The following ATP7A variants were observed in gnomAD, a reference collection of about 807,000 sequenced individuals.
ATP7A encodes the protein copper-transporting ATPase 1.
ATP7A carries 7 observed loss-of-function variants against 83.5 expected under a neutral mutation model. The ratio of observed to expected loss-of-function variants is 0.08; its 90% CI spans 0.05 to 0.16. ATP7A has a LOEUF of 0.16. Ranked by LOEUF, ATP7A falls within the 10% of genes least tolerant of loss-of-function variation. ATP7A has a pLI of 1.00. For synonymous variants in ATP7A, 354 were observed against 395.2 expected (o/e 0.90, Z 1.24); for missense variants, 940 against 1,120.8 (o/e 0.84, Z 2.30).
At chrX:77,956,732 T>TTTCTTTCC (rs2077443871) in intron 1 of ATP7A, among the ~76,000 whole-genome samples, 2 of 81,309 alleles carry the variant, frequency 2.5e-5, no homozygotes, top group Non-Finnish European at 4.8e-5. Context: ...GTCTCCTTTC[T>TTTCTTTCC]TTCTTTCTTT....
At chrX:77,997,569 C>T (rs1439395002) in intron 4 of ATP7A, among the ~76,000 whole-genome samples, 2 of 108,922 alleles carry the variant, frequency 1.8e-5, no homozygotes, top group Non-Finnish European at 3.8e-5. Flanking sequence ...GAAATTTGCT[C>T]TTTTCTTCCT....
chrX:78,031,954 C>T (rs2077986303), intron 16 of ATP7A, among the ~76,000 whole-genome samples: 1 of 112,038 alleles, frequency 8.9e-6, no homozygotes, highest in African/African-American at 3.2e-5. Flanking sequence ...AACCTATTAA[C>T]AGTCTTTTAA....
At chrX:78,033,845 C>T in intron 17 of ATP7A, 24 bp downstream of exon 17, 1 of 1,167,675 alleles carries the variant, frequency 8.6e-7, no homozygotes, top group Non-Finnish European at 1.2e-6. Context: ...CTTTGTAGTA[C>T]CAATTATGGG....
intron 1 of ATP7A, among the ~76,000 whole-genome samples, chrX:77,919,917 A>G (rs781972467): frequency 8.9e-6 from 1 of 112,458 alleles, no homozygotes; most frequent in East Asian, 2.8e-4. Flanking sequence ...CCCATTAAAT[A>G]ATAGCTTCTC....
intron 4 of ATP7A, among the ~76,000 whole-genome samples, chrX:77,991,707 T>C (rs1372635855): frequency 9.0e-6 from 1 of 111,049 alleles, no homozygotes; most frequent in Non-Finnish European, 1.9e-5. Flanking sequence ...ATGTAGAAAA[T>C]CTCAATTTTT....
At position 78,012,737 on chromosome X, in the gene ATP7A, T is replaced by C. The variant is rs1053764370; in HGVS notation, c.2173-142T>C. ...TACATCTATTGAAATACAAACACGA[T>C]TGTTTTGGCTTAATCTCCCTTTAGT... On this transcript the variant is annotated intron_variant, in intron 9 of 22. Coordinates refer to ENST00000341514, the MANE Select transcript of ATP7A (RefSeq NM_000052.7). The C allele has an allele frequency of 9.5e-6, 5 of 523,701 alleles. No individual in the cohort carries two copies. The African/African-American group carries it at 1.2e-4, about 12-fold the overall frequency. 43.2% of individuals were successfully genotyped at this position (523,701 alleles called of 1,213,427 possible).
intron 15 of ATP7A, among the ~76,000 whole-genome samples, chrX:78,029,696 C>G (rs782182072): frequency 1.5e-4 from 17 of 111,835 alleles, no homozygotes; most frequent in African/African-American, 5.5e-4. Context: ...AACCTGGACT[C>G]CTATCCTAGC....
intron 1 of ATP7A, among the ~76,000 whole-genome samples, chrX:77,932,208 G>A (rs1345721053): frequency 4.8e-5 from 5 of 104,912 alleles, no homozygotes; most frequent in African/African-American, 1.8e-4. Flanking sequence ...GGGCAGAGAC[G>A]CTCCTCACCT....
intron 1 of ATP7A, among the ~76,000 whole-genome samples, chrX:77,956,175 G>A (rs1718472455): frequency 9.0e-6 from 1 of 111,543 alleles, no homozygotes; most frequent in African/African-American, 3.3e-5. Flanking sequence ...GGGATTGCTG[G>A]ATCATATGGT....
At chrX:77,942,124 T>C (rs1187786015) in intron 1 of ATP7A, among the ~76,000 whole-genome samples, 1 of 112,453 alleles carries the variant, frequency 8.9e-6, no homozygotes, top group African/African-American at 3.2e-5. Flanking sequence ...ACCTCTAACG[T>C]TATTTTGCCC....
At chrX:78,021,561 TATAAG>T (rs1222857434) in intron 14 of ATP7A, among the ~76,000 whole-genome samples, 3 of 111,998 alleles carry the variant, frequency 2.7e-5, no homozygotes, top group African/African-American at 9.7e-5. Flanking sequence ...GCTTTACAAA[TATAAG>T]ATATTATTAG....
intron 17 of ATP7A, 78 bp downstream of exon 17, chrX:78,033,899 T>C (rs1488267931): frequency 1.8e-5 from 17 of 957,274 alleles, no homozygotes; most frequent in East Asian, 3.1e-5. Context: ...TGAACTGTTA[T>C]AGAAGAAACA....
At position 77,988,415 on chromosome X, in the gene ATP7A, G is replaced by A; in HGVS notation, c.294G>A (p.Leu98=). Residue 98 remains leucine (L), a synonymous_variant, in exon 3 of 23, where the codon TTG becomes TTA. Coordinates refer to ENST00000341514, the MANE Select transcript of ATP7A (RefSeq NM_000052.7). ...LFLTVTASLT[L]PWDHIQSTLL... ...TGACTGTTACGGCGTCACTGACTTT[G>A]CCATGGGACCATATCCAAAGCACAT... 5 of 1,211,570 alleles carry A rather than the reference G, an allele frequency of 4.1e-6. No individual in the cohort carries two copies. Among genetic ancestry groups the A allele is most frequent in the Non-Finnish European group, 5.6e-6 (5 of 895,396 alleles).
chrX:78,020,345 G>C lies in ATP7A; in HGVS notation c.2728G>C (p.Asp910His). ...LLICATHVGA[D>H]TTLSQIVKLV... ...TATCTGCGCAACACATGTTGGAGCA[G>C]ACACAACCCTTTCTCAAATTGTCAA... Residue 910 changes from aspartate to histidine, a missense_variant, in exon 13 of 23, where the codon GAC (aspartate) becomes CAC (histidine). Coordinates refer to ENST00000341514, the MANE Select transcript of ATP7A (RefSeq NM_000052.7). 8.3e-7 allele frequency: 1 copy of C among 1,211,767 alleles called. No homozygotes were observed. The highest frequency in any genetic ancestry group is 1.1e-6 in the Non-Finnish European group (1 of 895,489).
At chrX:78,008,654 A>G (rs1195138629) in intron 6 of ATP7A, among the ~76,000 whole-genome samples, 1 of 110,969 alleles carries the variant, frequency 9.0e-6, no homozygotes, top group Non-Finnish European at 1.9e-5. Context: ...CTGGGACCAT[A>G]TATTTGTTCA....
chrX:78,014,887 T>G (rs2077851048), intron 11 of ATP7A, 134 bp downstream of exon 11: 2 of 520,474 alleles, frequency 3.8e-6, no homozygotes, highest in Non-Finnish European at 6.4e-6. Context: ...ATCCACATTT[T>G]GCCATACTTC....
chrX:77,971,844 A>G, intron 2 of ATP7A, 83 bp downstream of exon 2: 1 of 1,061,057 alleles, frequency 9.4e-7, no homozygotes, highest in Admixed American at 2.2e-5. Flanking sequence ...AGATAGAAGC[A>G]GACACACTGA....
intron 1 of ATP7A, among the ~76,000 whole-genome samples, chrX:77,916,751 C>T (rs187704057): frequency 3.1e-3 from 349 of 111,826 alleles, no homozygotes; most frequent in Middle Eastern, 4.6e-3. Context: ...CATGTCAGCA[C>T]TTTGATTAGT....
chrX:78,023,348 A>G (rs1367357608), intron 14 of ATP7A, among the ~76,000 whole-genome samples: 2 of 112,549 alleles, frequency 1.8e-5, no homozygotes, highest in African/African-American at 6.5e-5. Flanking sequence ...AATGGTAGTT[A>G]TATTTTAAGT....
Sources: gnomAD v4.1 joint callset for allele counts (sites outside exome capture counted in the v4.1 genomes callset) on GRCh38, gnomAD v4.1.1 for gene constraint, MANE v1.5 for transcripts, NCBI Gene and HGNC (gene_info 2026-07-23, HGNC 2026-07-21) for gene names.